ZRANB3: variants seen among roughly 807,000 people sequenced by gnomAD.
ZRANB3 encodes the protein DNA annealing helicase and endonuclease ZRANB3.
In ZRANB3, 125 loss-of-function variants were observed where a neutral mutation model predicts 133.8. The observed-to-expected ratio is 0.93, with a 90% CI of 0.81 to 1.08. ZRANB3 has a LOEUF of 1.08. Ranked by LOEUF, ZRANB3 falls within the 50% of genes least tolerant of loss-of-function variation. ZRANB3 has a pLI of 0.00. For missense variants in ZRANB3, 1,229 were observed against 1,275.5 expected, an observed-to-expected ratio of 0.96 and a Z score of 0.56; for synonymous variants, 387 against 432.7, an observed-to-expected ratio of 0.89 and a Z score of 1.31.
At chr2:135,302,009 T>C (rs1015005574) in intron 8 of ZRANB3, among the ~76,000 whole-genome samples, 3 of 152,166 alleles carry the variant, frequency 2.0e-5, no homozygotes, top group Non-Finnish European at 4.4e-5. Context: ...AATATAATAA[T>C]CAAATTATAA....
intron 3 of ZRANB3, among the ~76,000 whole-genome samples, chr2:135,362,454 G>T (rs889713804): frequency 6.6e-6 from 1 of 152,070 alleles, no homozygotes; most frequent in Non-Finnish European, 1.5e-5. Context: ...AAAGGAGATG[G>T]GCCTTAGAGA....
intron 8 of ZRANB3, among the ~76,000 whole-genome samples, chr2:135,285,907 AC>A (rs1681337678): frequency 6.6e-6 from 1 of 152,214 alleles, no homozygotes; most frequent in Non-Finnish European, 1.5e-5. Flanking sequence ...TGTATTCTCA[AC>A]ATACATTACA....
intron 19 of ZRANB3, among the ~76,000 whole-genome samples, chr2:135,207,167 AAAAT>A (rs746033281): frequency 4.0e-5 from 6 of 148,216 alleles, no homozygotes; most frequent in East Asian, 3.9e-4. Context: ...CTCTGTCTCC[AAAAT>A]AAATAAATAA....
intron 2 of ZRANB3, among the ~76,000 whole-genome samples, chr2:135,435,705 T>G (rs929968994): frequency 6.6e-6 from 1 of 152,228 alleles, no homozygotes; most frequent in Non-Finnish European, 1.5e-5. Context: ...TGAGATGGTA[T>G]CTCACTGTGG....
At chr2:135,447,120 C>G (rs1690056292) in intron 2 of ZRANB3, among the ~76,000 whole-genome samples, 1 of 152,182 alleles carries the variant, frequency 6.6e-6, no homozygotes, top group South Asian at 2.1e-4. Context: ...TCTCAGCTCA[C>G]TGCAACCTCC....
In ZRANB3 at chr2:135,310,455, A is replaced by G. The variant is rs962705270; in HGVS notation, c.966+3034T>C. 1.1e-4 allele frequency among the ~76,000 whole-genome samples: 17 copies of G among 152,216 alleles called. No individual in the cohort carries two copies. The East Asian group carries it at 3.3e-3, about 29-fold the overall frequency. ...AATCCATATGTAAAATGACAAACCA[A>G]AACAAAAATAAAAAAATCAGAACTG... On this transcript the variant is annotated intron_variant, in intron 8 of 20. Transcript: ENST00000264159.
chr2:135,426,426 A>G (rs573386555), intron 2 of ZRANB3, among the ~76,000 whole-genome samples: 9 of 152,282 alleles, frequency 5.9e-5, no homozygotes, highest in East Asian at 1.9e-4. Context: ...TGATGTGCAC[A>G]GATGCAAAAA....
intron 6 of ZRANB3, among the ~76,000 whole-genome samples, chr2:135,337,303 C>T (rs1364496468): frequency 6.6e-6 from 1 of 152,140 alleles, no homozygotes; most frequent in Non-Finnish European, 1.5e-5. Flanking sequence ...CAAGACCAAC[C>T]CTAGACCGTT....
In ZRANB3 at chr2:135,391,335, G is replaced by C. The variant is rs148218269; in HGVS notation, c.162-515C>G. Among the ~76,000 whole-genome samples the C allele has an allele frequency of 1.3e-3, 203 of 152,292 alleles. 2 individuals carry two copies. The highest frequency in any genetic ancestry group is 4.3e-3 in the African/African-American group (180 of 41,562). ...GCTACGTGGGAGTGTTAGAGCTTCA[G>C]ATGTGCTGTTCCCACAGCCCACCCA... On this transcript the variant is annotated intron_variant, in intron 2 of 20. Coordinates refer to ENST00000264159, the MANE Select transcript of ZRANB3 (RefSeq NM_032143.4).
intron 2 of ZRANB3, among the ~76,000 whole-genome samples, chr2:135,402,491 T>G (rs534920076): frequency 6.6e-6 from 1 of 151,816 alleles, no homozygotes; most frequent in African/African-American, 2.4e-5. Context: ...AGATGGGGAT[T>G]CACCGTGTTA....
chr2:135,413,932 G>T (rs945653044), intron 2 of ZRANB3, among the ~76,000 whole-genome samples: 1 of 151,950 alleles, frequency 6.6e-6, no homozygotes, highest in Non-Finnish European at 1.5e-5. Context: ...CACCAGGCCT[G>T]CCCTAAAAGA....
chr2:135,399,106 T>C (rs1574038179), intron 2 of ZRANB3, among the ~76,000 whole-genome samples: 1 of 152,148 alleles, frequency 6.6e-6, no homozygotes. Flanking sequence ...TTTCATTGAT[T>C]TACTTGAACG....
At chr2:135,310,202 G>A (rs866256314) in intron 8 of ZRANB3, among the ~76,000 whole-genome samples, 3 of 152,168 alleles carry the variant, frequency 2.0e-5, no homozygotes, top group African/African-American at 7.2e-5. Context: ...CTCCCAAAGT[G>A]CTGGGATTAC....
At chr2:135,507,632 GCTGT>G (rs1254223553) in intron 1 of ZRANB3, among the ~76,000 whole-genome samples, 2 of 151,700 alleles carry the variant, frequency 1.3e-5, no homozygotes, top group Admixed American at 1.3e-4. Context: ...AAAAAATGTT[GCTGT>G]CTATCATCTT....
At chr2:135,416,621 A>G (rs1330777002) in intron 2 of ZRANB3, among the ~76,000 whole-genome samples, 4 of 150,838 alleles carry the variant, frequency 2.7e-5, no homozygotes, top group Non-Finnish European at 4.5e-5. Context: ...TAAAGTTCAT[A>G]TGGAACCAAA....
chr2:135,529,599 A>C (rs1694332298), intron 1 of ZRANB3, among the ~76,000 whole-genome samples: 1 of 151,988 alleles, frequency 6.6e-6, no homozygotes, highest in South Asian at 2.1e-4. Context: ...TCCGAAGTTG[A>C]AGCGATTCTC....
chr2:135,291,434 C>A (rs1040420435), intron 8 of ZRANB3, among the ~76,000 whole-genome samples: 1 of 152,048 alleles, frequency 6.6e-6, no homozygotes, highest in African/African-American at 2.4e-5. Flanking sequence ...CCAGCCCCCT[C>A]GGCCTCCCAA....
chr2:135,347,260 A>T (rs1684978855), intron 5 of ZRANB3, among the ~76,000 whole-genome samples: 1 of 151,088 alleles, frequency 6.6e-6, no homozygotes, highest in South Asian at 2.1e-4. Flanking sequence ...ACACATGAGT[A>T]TATAATTTTT....
At chr2:135,284,938 T>A (rs1212418194) in intron 8 of ZRANB3, among the ~76,000 whole-genome samples, 1 of 151,078 alleles carries the variant, frequency 6.6e-6, no homozygotes, top group Non-Finnish European at 1.5e-5. Flanking sequence ...CTCTGCCTCC[T>A]GGGTTCAAGC....
Sources: gnomAD v4.1 joint callset for allele counts (sites outside exome capture counted in the v4.1 genomes callset) on GRCh38, gnomAD v4.1.1 for gene constraint, MANE v1.5 for transcripts, NCBI Gene and HGNC (gene_info 2026-07-23, HGNC 2026-07-21) for gene names.